NHLRC2: variants seen among roughly 807,000 people sequenced by gnomAD.
The protein encoded by NHLRC2 is NHL repeat containing 2.
NHLRC2 carries 33 observed loss-of-function variants against 68.1 expected under a neutral mutation model. The observed-to-expected ratio is 0.48, with a 90% CI of 0.37 to 0.65. NHLRC2 has a LOEUF of 0.65. Among genes scored for constraint, NHLRC2 ranks in the 30% least tolerant of loss-of-function variants. NHLRC2 has a pLI of 0.00. For missense variants in NHLRC2, 761 were observed against 853.8 expected, an observed-to-expected ratio of 0.89 and a Z score of 1.35; for synonymous variants, 311 against 309.6, an observed-to-expected ratio of 1.00 and a Z score of -0.05.
At position 113,867,829 on chromosome 10, in the gene NHLRC2, C is replaced by G. The variant is rs550424469; in HGVS notation, c.332-8692C>G. ...TGCATTTAACTAGGTTTTTACATTG[C>G]CTGTGATTAAACTACACGTTCTACT... On this transcript the variant is annotated intron_variant, in intron 2 of 10. Transcript: ENST00000369301. Among the ~76,000 whole-genome samples, 43 of 152,152 alleles carry G rather than the reference C, an allele frequency of 2.8e-4. 1 individual carries two copies. In the South Asian group the frequency reaches 8.9e-3, roughly 32 times the overall value.
intron 2 of NHLRC2, among the ~76,000 whole-genome samples, chr10:113,860,792 A>G (rs1421436511): frequency 6.6e-6 from 1 of 152,244 alleles, no homozygotes; most frequent in Non-Finnish European, 1.5e-5. Context: ...GAAACTCACT[A>G]CAGAGGCTCC....
At position 113,899,375 on chromosome 10, in the gene NHLRC2, T is replaced by C. The variant is rs1398722944; in HGVS notation, c.1139+1166T>C. ...CGTTATTAATAGAAAGCTGCTTTTA[T>C]ATAGATCCTTCAAAATAGCAGATAT... is the stretch of plus-strand genomic sequence containing the variant. On this transcript the variant is annotated intron_variant, in intron 6 of 10. Transcript: ENST00000369301. Among the ~76,000 whole-genome samples the C allele has an allele frequency of 2.0e-5, 3 of 152,370 alleles. No individual in the cohort carries two copies. In the East Asian group the frequency reaches 5.8e-4, roughly 29 times the overall value.
intron 10 of NHLRC2, among the ~76,000 whole-genome samples, chr10:113,907,888 T>C (rs1012760737): frequency 6.6e-6 from 1 of 152,214 alleles, no homozygotes. Context: ...CTAAAGACTT[T>C]CATCTCTTTG....
chr10:113,903,012 T>C (rs567002953), intron 8 of NHLRC2, among the ~76,000 whole-genome samples: 2 of 152,356 alleles, frequency 1.3e-5, no homozygotes, highest in Admixed American at 1.3e-4. Context: ...TAAATTGTCT[T>C]AAGTTTTATT....
chr10:113,878,780 C>T (rs546879560), intron 3 of NHLRC2, among the ~76,000 whole-genome samples: 30 of 152,242 alleles, frequency 2.0e-4, no homozygotes, highest in Non-Finnish European at 2.6e-4. Context: ...CTGCCTGCCT[C>T]GGCCTCCCAA....
chr10:113,862,505 A>G (rs1348603091), intron 2 of NHLRC2, among the ~76,000 whole-genome samples: 5 of 152,210 alleles, frequency 3.3e-5, no homozygotes, highest in Non-Finnish European at 7.4e-5. Context: ...ACAGTAATGT[A>G]GAAAATGAGG....
chr10:113,874,485 T>C (rs1312289885), intron 2 of NHLRC2, among the ~76,000 whole-genome samples: 2 of 150,902 alleles, frequency 1.3e-5, no homozygotes, highest in Non-Finnish European at 3.0e-5. Context: ...TGTGTGTGTG[T>C]GTGTGTGTGT....
At chr10:113,859,604 A>G (rs1488309770) in intron 2 of NHLRC2, among the ~76,000 whole-genome samples, 4 of 152,204 alleles carry the variant, frequency 2.6e-5, no homozygotes, top group Non-Finnish European at 5.9e-5. Context: ...GAACTCAAAT[A>G]TTTCTACTAG....
intron 2 of NHLRC2, among the ~76,000 whole-genome samples, chr10:113,865,036 G>A (rs1269444357): frequency 4.0e-5 from 6 of 151,050 alleles, no homozygotes; most frequent in Non-Finnish European, 5.9e-5. Flanking sequence ...TGCAAGCTCC[G>A]CCTCCCGGGT....
At position 113,913,853 on chromosome 10, in the gene NHLRC2, T is replaced by TG. The variant is rs1564861540; in HGVS notation, c.*5317_*5318insG. 2 of 148,624 alleles carry TG rather than the reference T, an allele frequency of 1.3e-5. No individual in the cohort carries two copies. The highest frequency in any genetic ancestry group is 5.0e-5 in the African/African-American group (2 of 40,122). 9.2% of individuals were successfully genotyped at this position (148,624 alleles called of 1,614,324 possible). The stretch of plus-strand genomic sequence containing the variant: ...TTTTTGTTGTTGTTGTTTTGTTTTT[T>TG]TTTTTTTTTTTTGAGATGGAGTCTC... On this transcript the variant is annotated 3_prime_UTR_variant, in exon 11 of 11. Coordinates refer to ENST00000369301, the MANE Select transcript of NHLRC2 (RefSeq NM_198514.4).
intron 2 of NHLRC2, among the ~76,000 whole-genome samples, chr10:113,875,058 C>A (rs997294884): frequency 4.0e-5 from 6 of 151,066 alleles, no homozygotes; most frequent in Non-Finnish European, 8.9e-5. Flanking sequence ...TTTTTTTGCC[C>A]CCTACCTTGA....
intron 1 of NHLRC2, among the ~76,000 whole-genome samples, chr10:113,855,395 C>G (rs1051466670): frequency 6.6e-6 from 1 of 152,216 alleles, no homozygotes; most frequent in Non-Finnish European, 1.5e-5. Context: ...TCTGGTTCCC[C>G]AGTGTCTTCT....
chr10:113,895,300 C>T (rs1475728959), intron 5 of NHLRC2, among the ~76,000 whole-genome samples: 1 of 152,204 alleles, frequency 6.6e-6, no homozygotes, highest in Non-Finnish European at 1.5e-5. Flanking sequence ...ATGTGCCAGG[C>T]ACTATTCTAT....
In NHLRC2 at chr10:113,865,291, C is replaced by G. The variant is rs543983968; in HGVS notation, c.331+6611C>G. On this transcript the variant is annotated intron_variant, in intron 2 of 10. Coordinates refer to ENST00000369301, the MANE Select transcript of NHLRC2 (RefSeq NM_198514.4). ...AAAAATCGCTTTTCATCCCCCCCCC[C>G]CGTTCCTCTCACCATATAATAGAGC... Among the ~76,000 whole-genome samples, 785 of 142,808 alleles carry G rather than the reference C, an allele frequency of 5.5e-3. 15 individuals carry two copies. Among genetic ancestry groups the G allele is most frequent in the Non-Finnish European group, 6.9e-3 (450 of 65,164 alleles). 93.7% of individuals were successfully genotyped at this position (142,808 alleles called of 152,430 possible).
intron 2 of NHLRC2, among the ~76,000 whole-genome samples, chr10:113,860,906 T>C (rs941562717): frequency 3.3e-5 from 5 of 152,224 alleles, no homozygotes; most frequent in African/African-American, 4.8e-5. Context: ...CCCTGACTTA[T>C]GATGATTCGA....
At position 113,904,880 on chromosome 10, in the gene NHLRC2, A is replaced by T; in HGVS notation, c.1768A>T (p.Thr590Ser). ...CCCGTTCCTAGTAGAAAAACAGAAG[A>T]CATTACCCAAACTACCTAAATCTGC... Reference protein sequence around the residue: ...DGPFLVEKQKTLPKLPKSAPS... With the variant: ...DGPFLVEKQKSLPKLPKSAPS... Residue 590 changes from threonine (T) to serine (S), a missense_variant, in exon 10 of 11, where the codon ACA becomes TCA. Thr to Ser is a moderately conservative substitution (Grantham distance 58). Transcript: ENST00000369301. The T allele has an allele frequency of 6.2e-7, 1 of 1,613,300 alleles. No homozygotes were observed. Among genetic ancestry groups the T allele is most frequent in the Non-Finnish European group, 8.5e-7 (1 of 1,179,712 alleles).
rs1845982838 is a variant in NHLRC2 at position 113,876,593 on chromosome 10, C to T, written c.404C>T (p.Ala135Val). 1 of 1,613,386 alleles carries T rather than the reference C, an allele frequency of 6.2e-7. No individual in the cohort carries two copies. Among genetic ancestry groups the T allele is most frequent in the Non-Finnish European group, 8.5e-7 (1 of 1,179,432 alleles). The stretch of plus-strand genomic sequence containing the variant: ...AAAGTCCTGGATAACATTAAGAGTG[C>T]TGTTCTTCGATACAACATCACCCAC... ...NEKVLDNIKSAVLRYNITHPM... is the reference protein window; with the variant it reads ...NEKVLDNIKSVVLRYNITHPM... The change falls in exon 3 of 11, where the codon GCT (alanine) becomes GTT (valine). Residue 135 changes from alanine to valine, a missense_variant. Physicochemically the swap from Ala to Val is moderately conservative, Grantham distance 64 (BLOSUM62 0). Coordinates refer to ENST00000369301, the MANE Select transcript of NHLRC2 (RefSeq NM_198514.4).
At chr10:113,897,808 C>T (rs1232008081) in intron 5 of NHLRC2, among the ~76,000 whole-genome samples, 2 of 152,184 alleles carry the variant, frequency 1.3e-5, no homozygotes, top group Non-Finnish European at 2.9e-5. Context: ...TGTTAATGCT[C>T]GTTGTAAAAT....
chr10:113,861,104 G>A (rs1351562087), intron 2 of NHLRC2, among the ~76,000 whole-genome samples: 1 of 152,108 alleles, frequency 6.6e-6, no homozygotes, highest in Non-Finnish European at 1.5e-5. Context: ...ATTTGAGTAG[G>A]CAGAAAGAAG....
Sources: gnomAD v4.1 joint callset for allele counts (sites outside exome capture counted in the v4.1 genomes callset) on GRCh38, gnomAD v4.1.1 for gene constraint, MANE v1.5 for transcripts, NCBI Gene and HGNC (gene_info 2026-07-23, HGNC 2026-07-21) for gene names.